Variants in FGF10 observed in about 807,000 individuals in gnomAD.
FGF10 encodes fibroblast growth factor 10, also known as FGF-10.
FGF10 carries 2 observed loss-of-function variants against 19.8 expected under a neutral mutation model. The ratio of observed to expected loss-of-function variants is 0.10; its 90% CI spans 0.04 to 0.32. The LOEUF (loss-of-function observed/expected upper bound fraction) is 0.32, where lower values mean the gene tolerates loss of function less well. FGF10 is among the 10% of genes least tolerant of loss of function. The pLI is 1.00. For synonymous variants in FGF10, 112 were observed against 94.0 expected, an observed-to-expected ratio of 1.19 and a Z score of -1.10; for missense variants, 191 against 246.3, an observed-to-expected ratio of 0.78 and a Z score of 1.50.
chr5:44,379,910 C>T (rs908412618), intron 1 of FGF10, among the ~76,000 whole-genome samples: 4 of 152,148 alleles, frequency 2.6e-5, no homozygotes, highest in African/African-American at 9.7e-5. Context: ...TAAAAAATTT[C>T]ATTATGTGAT....
At chr5:44,310,763 C>A (rs1022253671) in intron 1 of FGF10, among the ~76,000 whole-genome samples, 2 of 152,060 alleles carry the variant, frequency 1.3e-5, no homozygotes, top group Non-Finnish European at 2.9e-5. Context: ...AAGAATTCCC[C>A]TTCATTTTAC....
At chr5:44,367,900 T>C (rs1006518142) in intron 1 of FGF10, among the ~76,000 whole-genome samples, 1 of 151,058 alleles carries the variant, frequency 6.6e-6, no homozygotes, top group Non-Finnish European at 1.5e-5. Flanking sequence ...ATACACAAAG[T>C]AATTTAAAAA....
At chr5:44,342,657 C>T (rs1423829120) in intron 1 of FGF10, among the ~76,000 whole-genome samples, 1 of 151,874 alleles carries the variant, frequency 6.6e-6, no homozygotes, top group African/African-American at 2.4e-5. Flanking sequence ...TTAGGAAGTT[C>T]GTTACCTTGC....
chr5:44,373,202 C>T (rs146345438), intron 1 of FGF10, among the ~76,000 whole-genome samples: 19 of 152,154 alleles, frequency 1.2e-4, no homozygotes, highest in Non-Finnish European at 2.9e-5. Flanking sequence ...TAGGTAACCT[C>T]ATCTCTATTC....
intron 1 of FGF10, among the ~76,000 whole-genome samples, chr5:44,379,493 G>T (rs189889805): frequency 6.6e-6 from 1 of 152,116 alleles, no homozygotes; most frequent in Non-Finnish European, 1.5e-5. Context: ...ACAGGTCTGC[G>T]GCTTCAAAGC....
Position 44,302,499 on chromosome 5 carries a change from CA to C in FGF10, c.*2495del, listed in dbSNP as rs1245538031. Reference sequence around the variant, plus strand: ...TCAGCCTCCTGAGTAGTTGGGACCACAGGTATATGCCACCACGCATGGCTAC... The same window carrying C: ...TCAGCCTCCTGAGTAGTTGGGACCACGGTATATGCCACCACGCATGGCTAC... On this transcript the variant is annotated 3_prime_UTR_variant, in exon 3 of 3. Coordinates refer to ENST00000264664, the MANE Select transcript of FGF10 (RefSeq NM_004465.2). Among the ~76,000 whole-genome samples, 5 of 152,172 alleles carry C rather than the reference CA, an allele frequency of 3.3e-5. No homozygotes were observed. The East Asian group carries it at 7.7e-4, about 24-fold the overall frequency.
chr5:44,385,989 C>T (rs183783151), intron 1 of FGF10, among the ~76,000 whole-genome samples: 4 of 152,034 alleles, frequency 2.6e-5, no homozygotes, highest in African/African-American at 4.8e-5. Flanking sequence ...CACTGTTAAC[C>T]GTTGATTAAG....
At chr5:44,333,626 G>A (rs1308471521) in intron 1 of FGF10, among the ~76,000 whole-genome samples, 3 of 152,058 alleles carry the variant, frequency 2.0e-5, no homozygotes, top group Non-Finnish European at 4.4e-5. Context: ...TAAAGTCAAG[G>A]TCCAAACTCA....
At chr5:44,376,290 T>G (rs1741853469) in intron 1 of FGF10, among the ~76,000 whole-genome samples, 1 of 151,894 alleles carries the variant, frequency 6.6e-6, no homozygotes, top group African/African-American at 2.4e-5. Context: ...ACCCAGATTC[T>G]ACACCAAGAA....
intron 1 of FGF10, among the ~76,000 whole-genome samples, chr5:44,318,392 T>C (rs1453750923): frequency 6.6e-6 from 1 of 152,168 alleles, no homozygotes; most frequent in African/African-American, 2.4e-5. Flanking sequence ...TCATTTCCTT[T>C]AGTAGATAAC....
chr5:44,387,917 G>A (rs1170945145), intron 1 of FGF10, among the ~76,000 whole-genome samples: 3 of 152,226 alleles, frequency 2.0e-5, no homozygotes, highest in African/African-American at 7.2e-5. Context: ...TTCAGCTTGA[G>A]GAGCCTGTCC....
intron 1 of FGF10, among the ~76,000 whole-genome samples, chr5:44,376,504 A>C (rs1009879781): frequency 6.2e-5 from 9 of 144,612 alleles, no homozygotes; most frequent in African/African-American, 2.0e-4. Context: ...AAAAAAAAAA[A>C]AAAAAAAAAA....
At chr5:44,370,198 A>C (rs1741712887) in intron 1 of FGF10, among the ~76,000 whole-genome samples, 1 of 152,086 alleles carries the variant, frequency 6.6e-6, no homozygotes, top group African/African-American at 2.4e-5. Context: ...TCCTTCTCCA[A>C]GCCTGTTTTC....
At chr5:44,340,090 C>T (rs1287560205) in intron 1 of FGF10, among the ~76,000 whole-genome samples, 1 of 152,030 alleles carries the variant, frequency 6.6e-6, no homozygotes, top group Non-Finnish European at 1.5e-5. Flanking sequence ...ATGAAATTTT[C>T]CATTTCGCAC....
chr5:44,303,758 A>G lies in FGF10; in HGVS notation c.*1237T>C, dbSNP rs1333579637. On this transcript the variant is annotated 3_prime_UTR_variant, in exon 3 of 3. Coordinates refer to ENST00000264664, the MANE Select transcript of FGF10 (RefSeq NM_004465.2). Reference sequence around the variant, plus strand: ...GGTTTTTGTATATGGTTACACATATACCAGTATATATTTGATTTGCTCAGT... The same window carrying G: ...GGTTTTTGTATATGGTTACACATATGCCAGTATATATTTGATTTGCTCAGT... 3 of 152,196 alleles carry G rather than the reference A, an allele frequency of 2.0e-5. No homozygotes were observed. Among genetic ancestry groups the G allele is most frequent in the African/African-American group, 7.2e-5 (3 of 41,456 alleles). 9.4% of individuals were successfully genotyped at this position (152,196 alleles called of 1,614,324 possible). A position where few individuals can be genotyped will look rare whatever the true frequency, so the allele number is the denominator to read the frequency against.
chr5:44,333,789 T>C lies in FGF10; in HGVS notation c.326-23259A>G, dbSNP rs145061238. On this transcript the variant is annotated intron_variant, in intron 1 of 2. Coordinates refer to ENST00000264664, the MANE Select transcript of FGF10 (RefSeq NM_004465.2). ...TCTTTAGTGCAATGGAAGGAGATAATGTGAGGCTGCCAGTTTGAGTAATAA... is the reference window on the plus strand; with the variant it reads ...TCTTTAGTGCAATGGAAGGAGATAACGTGAGGCTGCCAGTTTGAGTAATAA... Among the ~76,000 whole-genome samples, 489 of 152,262 alleles carry C rather than the reference T, an allele frequency of 3.2e-3. 3 individuals carry two copies. The highest frequency in any genetic ancestry group is 0.012 in the South Asian group (60 of 4,828).
chr5:44,331,611 G>T (rs1203890437), intron 1 of FGF10, among the ~76,000 whole-genome samples: 1 of 152,028 alleles, frequency 6.6e-6, no homozygotes, highest in African/African-American at 2.4e-5. Flanking sequence ...TGTGCAATTA[G>T]GGTTCTTTCC....
intron 1 of FGF10, among the ~76,000 whole-genome samples, chr5:44,377,967 T>A (rs959085016): frequency 6.6e-6 from 1 of 152,214 alleles, no homozygotes; most frequent in Non-Finnish European, 1.5e-5. Flanking sequence ...TCACCATCAT[T>A]CCTGACTCTG....
chr5:44,311,039 A>G, intron 1 of FGF10, among the ~76,000 whole-genome samples: 1 of 152,114 alleles, frequency 6.6e-6, no homozygotes, highest in East Asian at 1.9e-4. Context: ...GGCTACATTT[A>G]ACTGATAGAT....
Sources: gnomAD v4.1 joint callset for allele counts (sites outside exome capture counted in the v4.1 genomes callset) on GRCh38, gnomAD v4.1.1 for gene constraint, MANE v1.5 for transcripts, NCBI Gene and HGNC (gene_info 2026-07-23, HGNC 2026-07-21) for gene names.